TAPT1: variants seen among roughly 807,000 people sequenced by gnomAD.
TAPT1 encodes transmembrane anterior posterior transformation 1, also known as transmembrane anterior posterior transformation protein 1 homolog.
In TAPT1, 28 loss-of-function variants were observed where a neutral mutation model predicts 65.6. That is an observed-to-expected ratio of 0.43 (90% CI 0.32 to 0.59). The LOEUF (loss-of-function observed/expected upper bound fraction) is 0.59. Ranked by LOEUF, TAPT1 falls within the 20% of genes least tolerant of loss-of-function variation. The pLI is 0.09. For missense variants in TAPT1, 563 were observed against 679.9 expected, an observed-to-expected ratio of 0.83 and a Z score of 1.91; for synonymous variants, 278 against 245.2, an observed-to-expected ratio of 1.13 and a Z score of -1.25.
At chr4:16,174,773 T>C in intron 9 of TAPT1, 44 bp from the exon 10 acceptor site, 1 of 1,362,494 alleles carries the variant, frequency 7.3e-7, no homozygotes, top group Non-Finnish European at 9.9e-7. Context: ...ACAGTAAAAA[T>C]ATATAATGTG....
At chr4:16,166,965 G>C in intron 12 of TAPT1, 172 bp from the exon 13 acceptor site, 11 of 413,924 alleles carry the variant, frequency 2.7e-5, no homozygotes, top group East Asian at 7.5e-5. Flanking sequence ...TTGTCACAAA[G>C]AAAAACTTCG....
intron 4 of TAPT1, among the ~76,000 whole-genome samples, chr4:16,189,262 T>C (rs1210869988): frequency 2.0e-5 from 3 of 152,186 alleles, no homozygotes; most frequent in Non-Finnish European, 4.4e-5. Context: ...CAATCTCTTG[T>C]GGCTCCTATG....
At chr4:16,166,889 C>G in intron 12 of TAPT1, 96 bp from the exon 13 acceptor site, 2 of 1,224,100 alleles carry the variant, frequency 1.6e-6, no homozygotes, top group Non-Finnish European at 2.3e-6. Context: ...GGTGGGGGGG[C>G]ATGGGACGGT....
At chr4:16,166,956 T>G in intron 12 of TAPT1, 163 bp from the exon 13 acceptor site, 2 of 520,248 alleles carry the variant, frequency 3.8e-6, no homozygotes, top group Non-Finnish European at 6.6e-6. Flanking sequence ...GAGGCCTCCT[T>G]GTCACAAAGA....
intron 1 of TAPT1, 40 bp downstream of exon 1, chr4:16,226,218 GC>G: frequency 1.8e-6 from 2 of 1,098,242 alleles, no homozygotes; most frequent in East Asian, 5.2e-5. Flanking sequence ...TCCCCAGTCC[GC>G]CCCTCGGAGC....
intron 3 of TAPT1, among the ~76,000 whole-genome samples, chr4:16,198,215 CAGA>C (rs1387443486): frequency 2.0e-5 from 3 of 152,084 alleles, no homozygotes; most frequent in Non-Finnish European, 4.4e-5. Flanking sequence ...GGCAAGTTTG[CAGA>C]AGAACTAGAA....
At chr4:16,175,008 G>A in intron 9 of TAPT1, 1 of 254,200 alleles carries the variant, frequency 3.9e-6, no homozygotes, top group Non-Finnish European at 7.3e-6. Flanking sequence ...TAGAATTTGG[G>A]GAAAAGTGAC....
At chr4:16,191,339 G>A in intron 4 of TAPT1, 22 bp downstream of exon 4, 1 of 1,586,228 alleles carries the variant, frequency 6.3e-7, no homozygotes, top group Non-Finnish European at 8.6e-7. Flanking sequence ...CCAGGCCTGT[G>A]CGGGGTAAGC....
intron 2 of TAPT1, among the ~76,000 whole-genome samples, chr4:16,206,687 G>A (rs1004823032): frequency 3.9e-5 from 6 of 152,116 alleles, no homozygotes; most frequent in Non-Finnish European, 5.9e-5. Context: ...CCATCAGTGT[G>A]AATGATCACA....
At chr4:16,174,595 TA>T in intron 10 of TAPT1, 74 bp downstream of exon 10, 4 of 1,314,174 alleles carry the variant, frequency 3.0e-6, no homozygotes, top group Admixed American at 2.4e-5. Context: ...TATTTCATGC[TA>T]AATTAATCAT....
chr4:16,166,949 G>T lies in TAPT1; in HGVS notation c.1314-156C>A, dbSNP rs4510462. 6,492 of 562,886 alleles carry T rather than the reference G, an allele frequency of 0.012. 199 individuals are homozygous for T. The highest frequency in any genetic ancestry group is 0.064 in the African/African-American group (3,406 of 52,808). 34.9% of individuals were successfully genotyped at this position (562,886 alleles called of 1,614,324 possible). On this transcript the variant is annotated intron_variant, in intron 12 of 13. Coordinates refer to ENST00000405303, the MANE Select transcript of TAPT1 (RefSeq NM_153365.3). ...TTACACAAATCTTGAGTTTTCTGAG[G>T]CCTCCTTGTCACAAAGAAAAACTTC...
intron 1 of TAPT1, among the ~76,000 whole-genome samples, chr4:16,224,226 C>A (rs1473337002): frequency 6.6e-6 from 1 of 152,078 alleles, no homozygotes; most frequent in Admixed American, 6.6e-5. Flanking sequence ...CCTAGGGAAT[C>A]GTTTTTAAAA....
At chr4:16,180,413 ATG>A (rs1279383654) in intron 7 of TAPT1, among the ~76,000 whole-genome samples, 2 of 152,212 alleles carry the variant, frequency 1.3e-5, no homozygotes, top group Non-Finnish European at 2.9e-5. Context: ...ACACCCATGT[ATG>A]TGTGCCGATG....
intron 7 of TAPT1, among the ~76,000 whole-genome samples, chr4:16,181,753 A>G (rs1748724181): frequency 6.6e-6 from 1 of 152,170 alleles, no homozygotes; most frequent in South Asian, 2.1e-4. Flanking sequence ...TTTTTAGCAG[A>G]GACAGGGTTT....
chr4:16,191,149 C>T (rs1749350189), intron 4 of TAPT1: 1 of 465,844 alleles, frequency 2.1e-6, no homozygotes, highest in Non-Finnish European at 3.7e-6. Context: ...AGCCCCACCG[C>T]CCTGGAAATG....
intron 3 of TAPT1, among the ~76,000 whole-genome samples, chr4:16,199,676 C>T (rs561813792): frequency 5.8e-4 from 88 of 152,224 alleles, no homozygotes; most frequent in Middle Eastern, 3.4e-3. Context: ...ACTGCAGCCT[C>T]GAATTCCTGG....
intron 2 of TAPT1, among the ~76,000 whole-genome samples, chr4:16,209,155 C>A (rs184020399): frequency 1.8e-4 from 27 of 152,256 alleles, no homozygotes; most frequent in African/African-American, 6.5e-4. Flanking sequence ...CTGGATCTTC[C>A]TAGCATAGCC....
intron 12 of TAPT1, among the ~76,000 whole-genome samples, chr4:16,167,542 C>T (rs1328382910): frequency 6.6e-6 from 1 of 152,098 alleles, no homozygotes; most frequent in Non-Finnish European, 1.5e-5. Context: ...GTCTATTTTA[C>T]AAGGCAGTAG....
intron 12 of TAPT1, among the ~76,000 whole-genome samples, chr4:16,170,209 G>C (rs1038401142): frequency 6.6e-6 from 1 of 152,222 alleles, no homozygotes; most frequent in African/African-American, 2.4e-5. Flanking sequence ...CAAACCTGCA[G>C]ATGGATTCCA....
Sources: allele counts gnomAD v4.1 joint callset (sites outside exome capture counted in the v4.1 genomes callset), GRCh38; gene constraint gnomAD v4.1.1; transcripts MANE v1.5; gene names NCBI Gene and HGNC (gene_info 2026-07-23, HGNC 2026-07-21).